Variants in ANKFN1 observed in about 807,000 individuals in gnomAD.
ANKFN1 encodes the protein ankyrin repeat and fibronectin type-III domain-containing protein 1.
In ANKFN1, 74 loss-of-function variants were observed where a neutral mutation model predicts 108.7. The ratio of observed to expected loss-of-function variants is 0.68; its 90% CI spans 0.56 to 0.83. The LOEUF (loss-of-function observed/expected upper bound fraction) is 0.83. Ranked by LOEUF, ANKFN1 falls within the 40% of genes least tolerant of loss-of-function variation. ANKFN1 has a pLI of 0.00. For missense variants in ANKFN1, 1,505 were observed against 1,382.3 expected, an observed-to-expected ratio of 1.09 and a Z score of -1.41; for synonymous variants, 547 against 516.2, an observed-to-expected ratio of 1.06 and a Z score of -0.81.
In ANKFN1 at chr17:56,320,279, T is replaced by C. The variant is rs148276675; in HGVS notation, c.54-5942T>C. On this transcript the variant is annotated intron_variant, in intron 3 of 20. Transcript: ENST00000682825. ...GGTGAACTCTTCCACATGGTTCAAT[T>C]ATCCTTTGGCAATGCTACTTGTCTA... 9.8e-5 allele frequency among the ~76,000 whole-genome samples: 15 copies of C among 152,332 alleles called. No individual in the cohort carries two copies. The East Asian group carries it at 2.7e-3, about 27-fold the overall frequency.
Position 56,515,998 on chromosome 17 carries a change from T to C in ANKFN1, c.*4729T>C, listed in dbSNP as rs117386032. On this transcript the variant is annotated 3_prime_UTR_variant, in exon 21 of 21. Coordinates refer to ENST00000682825, the MANE Select transcript of ANKFN1 (RefSeq NM_001370326.1). Reference sequence around the variant, plus strand: ...TTTTTTTTATTTTAGCAAAAGCCAATGTTTAACTTAGTGGCAAAGGTTACG... The same window carrying C: ...TTTTTTTTATTTTAGCAAAAGCCAACGTTTAACTTAGTGGCAAAGGTTACG... Among the ~76,000 whole-genome samples the C allele has an allele frequency of 7.8e-3, 1,186 of 152,284 alleles. 6 individuals are homozygous for C. The highest frequency in any genetic ancestry group is 0.025 in the East Asian group (127 of 5,180).
At chr17:56,348,202 TC>T (rs2046155874) in intron 4 of ANKFN1, among the ~76,000 whole-genome samples, 2 of 152,098 alleles carry the variant, frequency 1.3e-5, no homozygotes, top group South Asian at 2.1e-4. Context: ...CCAGATAACC[TC>T]CCTTTCCATT....
At chr17:56,415,975 C>G (rs111338926) in intron 8 of ANKFN1, among the ~76,000 whole-genome samples, 306 of 152,192 alleles carry the variant, frequency 2.0e-3, no homozygotes, top group African/African-American at 6.9e-3. Flanking sequence ...AGGACAGTCT[C>G]CTCAATAAAT....
At chr17:56,345,938 A>G (rs748838196) in intron 4 of ANKFN1, among the ~76,000 whole-genome samples, 15 of 151,872 alleles carry the variant, frequency 9.9e-5, no homozygotes, top group Non-Finnish European at 1.6e-4. Flanking sequence ...ATTGCTTTTC[A>G]TGTTTTAGTC....
intron 1 of ANKFN1, among the ~76,000 whole-genome samples, chr17:56,189,844 AGGCTT>A (rs1912706943): frequency 6.6e-6 from 1 of 152,152 alleles, no homozygotes; most frequent in Non-Finnish European, 1.5e-5. Flanking sequence ...TACAATTCTA[AGGCTT>A]GTGGTTTCAA....
chr17:56,274,381 G>A lies in ANKFN1; in HGVS notation c.53+46424G>A, dbSNP rs192463360. ...CCAGCTACTCAGGAGGCTGAGGCAG[G>A]AGAATGGCGTGAACCCGGGAGGCGG... On this transcript the variant is annotated intron_variant, in intron 3 of 20. Coordinates refer to ENST00000682825, the MANE Select transcript of ANKFN1 (RefSeq NM_001370326.1). Among the ~76,000 whole-genome samples, 726 of 152,262 alleles carry A rather than the reference G, an allele frequency of 4.8e-3. 4 individuals carry two copies. The highest frequency in any genetic ancestry group is 9.1e-3 in the African/African-American group (377 of 41,572).
chr17:56,124,184 A>T (rs1906789800), intron 4 of ANKFN1, among the ~76,000 whole-genome samples: 1 of 152,186 alleles, frequency 6.6e-6, no homozygotes, highest in Non-Finnish European at 1.5e-5. Context: ...ACAAATTTAC[A>T]AACATTTTGC....
intron 20 of ANKFN1, among the ~76,000 whole-genome samples, chr17:56,502,431 C>T (rs2051403372): frequency 2.0e-5 from 3 of 152,310 alleles, no homozygotes; most frequent in Admixed American, 1.3e-4. Flanking sequence ...ATATAACGCT[C>T]TCTTGGGTCC....
chr17:56,338,437 A>G (rs1302226713), intron 4 of ANKFN1, among the ~76,000 whole-genome samples: 1 of 152,126 alleles, frequency 6.6e-6, no homozygotes, highest in Non-Finnish European at 1.5e-5. Context: ...TGTACCCTAG[A>G]ACTTAAAGTA....
intron 4 of ANKFN1, among the ~76,000 whole-genome samples, chr17:56,334,573 C>T (rs937167865): frequency 2.0e-5 from 3 of 151,728 alleles, no homozygotes; most frequent in African/African-American, 7.3e-5. Context: ...ACAATGTATA[C>T]GTATTTGCTC....
intron 12 of ANKFN1, 141 bp downstream of exon 12, chr17:56,457,101 G>A: frequency 2.7e-6 from 3 of 1,130,358 alleles, no homozygotes; most frequent in Non-Finnish European, 3.7e-6. Context: ...GTGTAAGACA[G>A]TAATTTTCTC....
At chr17:56,418,630 A>G (rs1422849054) in intron 8 of ANKFN1, among the ~76,000 whole-genome samples, 2 of 152,118 alleles carry the variant, frequency 1.3e-5, no homozygotes, top group Admixed American at 6.5e-5. Context: ...AAATTAAAGC[A>G]GAGATTATCT....
In ANKFN1 at chr17:56,510,831, G is replaced by A; in HGVS notation, c.3003G>A (p.Lys1001=). Residue 1001 remains lysine, a synonymous_variant, in exon 21 of 21, where the codon AAG becomes AAA. Transcript: ENST00000682825. ...CGCTAGGCTTCCTGGGAAAGCGGAA[G>A]CCAGGCAAGCACCCCCACTATGGCG... The part of the protein sequence containing the change: ...RPPLGFLGKR[K]PGKHPHYGGF... The A allele has an allele frequency of 4.6e-6, 7 of 1,536,204 alleles. No homozygotes were observed. Among genetic ancestry groups the A allele is most frequent in the Non-Finnish European group, 5.2e-6 (6 of 1,146,922 alleles).
intron 1 of ANKFN1, among the ~76,000 whole-genome samples, chr17:56,198,877 T>C (rs1444261385): frequency 1.3e-5 from 2 of 152,202 alleles, no homozygotes; most frequent in African/African-American, 4.8e-5. Context: ...GCTTTGGGAA[T>C]GTTTTAATGT....
intron 6 of ANKFN1, among the ~76,000 whole-genome samples, chr17:56,355,442 G>A (rs1449974213): frequency 6.6e-6 from 1 of 152,146 alleles, no homozygotes; most frequent in African/African-American, 2.4e-5. Flanking sequence ...AAAAAAGTCA[G>A]TGGGTCCAAA....
chr17:56,180,342 G>A (rs1184147111), intron 1 of ANKFN1, among the ~76,000 whole-genome samples: 2 of 152,110 alleles, frequency 1.3e-5, no homozygotes, highest in Non-Finnish European at 2.9e-5. Flanking sequence ...CCATGTTTAT[G>A]GCTGTGTAAG....
chr17:56,119,184 G>A (rs1487584943), intron 4 of ANKFN1, among the ~76,000 whole-genome samples: 1 of 152,116 alleles, frequency 6.6e-6, no homozygotes. Flanking sequence ...GGGCACAATT[G>A]CCTAGGGGAA....
intron 18 of ANKFN1, among the ~76,000 whole-genome samples, chr17:56,491,620 G>C (rs2051042737): frequency 1.3e-5 from 2 of 152,182 alleles, no homozygotes; most frequent in African/African-American, 4.8e-5. Flanking sequence ...CATCCATCCA[G>C]AGGGGCCAAG....
chr17:56,118,104 A>G (rs960305861), intron 4 of ANKFN1, among the ~76,000 whole-genome samples: 7 of 152,130 alleles, frequency 4.6e-5, no homozygotes, highest in Admixed American at 3.9e-4. Context: ...GTACGTGGAT[A>G]TACTACATTA....
Sources: gnomAD v4.1 joint callset for allele counts (sites outside exome capture counted in the v4.1 genomes callset) on GRCh38, gnomAD v4.1.1 for gene constraint, MANE v1.5 for transcripts, NCBI Gene and HGNC (gene_info 2026-07-23, HGNC 2026-07-21) for gene names.